The following FAM220A variants were observed in gnomAD, a reference collection of about 807,000 sequenced individuals.
FAM220A encodes the protein family with sequence similarity 220 member A, also known as protein FAM220A.
For synonymous variants in FAM220A, 141 were observed against 130.7 expected (o/e 1.08, Z -0.54); for missense variants, 392 against 321.6 (o/e 1.22, Z -1.68).
At position 6,330,546 on chromosome 7, in the gene FAM220A, G is replaced by A; in HGVS notation, c.609C>T (p.Leu203=). 2 of 1,614,108 alleles carry A rather than the reference G, an allele frequency of 1.2e-6. No homozygotes were observed. Among genetic ancestry groups the A allele is most frequent in the Non-Finnish European group, 1.7e-6 (2 of 1,180,022 alleles). The change falls in exon 2 of 2, where the codon CTC becomes CTT. Residue 203 remains leucine, a synonymous_variant. Transcript: ENST00000313324. ...SATLHVYPEV[L]LSEETKRIFL... The stretch of plus-strand genomic sequence containing the variant: ...AAATGCGTTTTGTCTCCTCACTCAG[G>A]AGCACTTCGGGATACACGTGCAGCG...
intron 1 of FAM220A, among the ~76,000 whole-genome samples, chr7:6,346,839 G>C (rs1372432294): frequency 6.6e-6 from 1 of 152,178 alleles, no homozygotes; most frequent in African/African-American, 2.4e-5. Context: ...CTGCAGTGTG[G>C]TGGTTCTACT....
At position 6,348,554 on chromosome 7, in the gene FAM220A, G is replaced by A; in HGVS notation, c.-82+19C>T. ...GCGCTCGGGGAGGGCCGGGGGCCGG[G>A]CAGGCACGGCTCACCCACCTGCAGG... On this transcript the variant is annotated intron_variant, in intron 1 of 1. Transcript: ENST00000313324. The A allele has an allele frequency of 2.3e-6, 1 of 432,374 alleles. No individual in the cohort carries two copies. Among genetic ancestry groups the A allele is most frequent in the South Asian group, 5.4e-5 (1 of 18,408 alleles). 26.8% of individuals were successfully genotyped at this position (432,374 alleles called of 1,614,324 possible). A position where few individuals can be genotyped will look rare whatever the true frequency, so the allele number is the denominator to read the frequency against.
chr7:6,333,218 T>C (rs1021368993), intron 1 of FAM220A, among the ~76,000 whole-genome samples: 6 of 147,528 alleles, frequency 4.1e-5, no homozygotes, highest in African/African-American at 1.5e-4. Context: ...AAATGAAGGA[T>C]GCAGTTATTA....
Position 6,330,454 on chromosome 7 carries a change from G to A in FAM220A, c.701C>T (p.Thr234Ile). ...TIEFKKMLKS[T>I]SDGLQITLGL... ...CAGTGTTATCTGCAGACCATCTGAG[G>A]TGCTTTTAAGCATTTTCTTGAATTC... The change falls in exon 2 of 2, where the codon ACC becomes ATC. Residue 234 changes from threonine (T) to isoleucine (I), a missense_variant. By Grantham distance (89) the Thr-to-Ile change is moderately conservative. Transcript: ENST00000313324. The A allele has an allele frequency of 6.2e-7, 1 of 1,614,150 alleles. No homozygotes were observed. The highest frequency in any genetic ancestry group is 1.3e-5 in the African/African-American group (1 of 75,034).
chr7:6,346,467 A>G lies in FAM220A; in HGVS notation c.-82+2106T>C, dbSNP rs557986898. Among the ~76,000 whole-genome samples, 26 of 152,266 alleles carry G rather than the reference A, an allele frequency of 1.7e-4. No individual in the cohort carries two copies. The South Asian group carries it at 4.6e-3, about 27-fold the overall frequency. The stretch of plus-strand genomic sequence containing the variant: ...CTGCAACGTCTGCCTCCCAGGCTCA[A>G]GCGATCCTCCCACCTCAGCCCCACA... On this transcript the variant is annotated intron_variant, in intron 1 of 1. Transcript: ENST00000313324.
chr7:6,345,360 C>T (rs1296732018), intron 1 of FAM220A, among the ~76,000 whole-genome samples: 1 of 152,036 alleles, frequency 6.6e-6, no homozygotes, highest in African/African-American at 2.4e-5. Flanking sequence ...AGTGATCCTC[C>T]CACCTCAGTC....
rs116198893 is a variant in FAM220A, at chr7:6,335,687, G to A, written c.-81-4452C>T. Among the ~76,000 whole-genome samples the A allele has an allele frequency of 1.3e-3, 202 of 152,178 alleles. 1 individual carries two copies. Among genetic ancestry groups the A allele is most frequent in the African/African-American group, 4.6e-3 (193 of 41,532 alleles). ...TTATATATATCTTGTGGGACATGCT[G>A]AAAAGTTTTTACTGATAGAATTGTG... is the stretch of plus-strand genomic sequence containing the variant. On this transcript the variant is annotated intron_variant, in intron 1 of 1. Transcript: ENST00000313324.
chr7:6,342,465 G>C (rs966192809), intron 1 of FAM220A, among the ~76,000 whole-genome samples: 1 of 151,298 alleles, frequency 6.6e-6, no homozygotes, highest in African/African-American at 2.4e-5. Context: ...CTTGAACCCA[G>C]AAGTCAGAAG....
rs1442914821 is a variant in FAM220A, at chr7:6,348,700, G to C, written c.-209C>G. ...CAGCCCCTTGCAGAAGACCCCATAG[G>C]AGCGGGCGGCGGCCGAGCGCGAGAG... On this transcript the variant is annotated 5_prime_UTR_variant, in exon 1 of 2. Coordinates refer to ENST00000313324, the MANE Select transcript of FAM220A (RefSeq NM_001037163.2). The C allele has an allele frequency of 2.3e-6, 1 of 442,008 alleles. No individual in the cohort carries two copies. Among genetic ancestry groups the C allele is most frequent in the Non-Finnish European group, 4.0e-6 (1 of 249,488 alleles). 27.4% of individuals were successfully genotyped at this position (442,008 alleles called of 1,614,324 possible).
chr7:6,332,061 G>T (rs185621314), intron 1 of FAM220A, among the ~76,000 whole-genome samples: 1 of 149,712 alleles, frequency 6.7e-6, no homozygotes, highest in Non-Finnish European at 1.5e-5. Context: ...GCTGTGAGCC[G>T]AGATCATGCC....
chr7:6,334,977 G>T (rs560673036), intron 1 of FAM220A, among the ~76,000 whole-genome samples: 1 of 151,736 alleles, frequency 6.6e-6, no homozygotes, highest in Admixed American at 6.6e-5. Context: ...ATGTTGGTCA[G>T]GCTGGTCTCA....
rs1781584333 is a variant in FAM220A at position 6,329,456 on chromosome 7, C to T, written c.*919G>A. Reference sequence around the variant, plus strand: ...AAGCTAAAGAACAAATTTTATTTTTCATTTTCCCCAAACACTAAAATAGCA... The same window carrying T: ...AAGCTAAAGAACAAATTTTATTTTTTATTTTCCCCAAACACTAAAATAGCA... On this transcript the variant is annotated 3_prime_UTR_variant, in exon 2 of 2. Transcript: ENST00000313324. 7 of 152,500 alleles carry T rather than the reference C, an allele frequency of 4.6e-5. No individual in the cohort carries two copies. The South Asian group carries it at 1.4e-3, about 32-fold the overall frequency. The allele number at this position is 152,500 out of a possible 1,614,324, so 9.4% of individuals were successfully genotyped here.
At chr7:6,340,175 G>C (rs1324549569) in intron 1 of FAM220A, among the ~76,000 whole-genome samples, 1 of 152,116 alleles carries the variant, frequency 6.6e-6, no homozygotes, top group Non-Finnish European at 1.5e-5. Context: ...ATGAGCTACC[G>C]CGCCCGGCCC....
At chr7:6,337,000 A>C (rs549734993) in intron 1 of FAM220A, among the ~76,000 whole-genome samples, 1 of 152,210 alleles carries the variant, frequency 6.6e-6, no homozygotes, top group Admixed American at 6.5e-5. Flanking sequence ...AAATGTGCTA[A>C]GTATGAACAT....
rs1260411689 is a variant in FAM220A at position 6,329,531 on chromosome 7, A to T, written c.*844T>A. On this transcript the variant is annotated 3_prime_UTR_variant, in exon 2 of 2. Coordinates refer to ENST00000313324, the MANE Select transcript of FAM220A (RefSeq NM_001037163.2). The stretch of plus-strand genomic sequence containing the variant: ...GCATAAACTGATATATGCAATCGAT[A>T]ATCCCGAAAATGTTTAAGTTTCACT... The T allele has an allele frequency of 6.5e-6, 1 of 153,178 alleles. No homozygotes were observed. Among genetic ancestry groups the T allele is most frequent in the Non-Finnish European group, 1.5e-5 (1 of 68,044 alleles). The allele number at this position is 153,178 out of a possible 1,614,324, so 9.5% of individuals were successfully genotyped here.
At chr7:6,335,079 T>G (rs368739993) in intron 1 of FAM220A, among the ~76,000 whole-genome samples, 1 of 151,114 alleles carries the variant, frequency 6.6e-6, no homozygotes, top group African/African-American at 2.4e-5. Flanking sequence ...TGGTTATTTT[T>G]TGAGACAGAG....
intron 1 of FAM220A, among the ~76,000 whole-genome samples, chr7:6,336,534 A>G (rs566083673): frequency 9.2e-5 from 14 of 151,964 alleles, no homozygotes; most frequent in Non-Finnish European, 1.9e-4. Flanking sequence ...TACAAAAATT[A>G]GCTGGGTATG....
chr7:6,338,905 G>A (rs1583239131), intron 1 of FAM220A, among the ~76,000 whole-genome samples: 1 of 152,290 alleles, frequency 6.6e-6, no homozygotes, highest in South Asian at 2.1e-4. Flanking sequence ...GGCCTTGAGG[G>A]ACTGCCGCAC....
chr7:6,348,954 T>A lies in FAM220A; in HGVS notation c.-463A>T. 2.7e-6 allele frequency: 1 copy of A among 376,424 alleles called. No individual in the cohort carries two copies. Among genetic ancestry groups the A allele is most frequent in the Non-Finnish European group, 4.7e-6 (1 of 212,738 alleles). The allele number at this position is 376,424 out of a possible 1,614,324, so 23.3% of individuals were successfully genotyped here. The stretch of plus-strand genomic sequence containing the variant: ...CCGCGAGCAGCCGCCTGTACCAGCC[T>A]GGCCGCGCAGCCTGACGTCACAAAG... On this transcript the variant is annotated 5_prime_UTR_variant, in exon 1 of 2. Transcript: ENST00000313324.
Sources: gnomAD v4.1 joint callset for allele counts (sites outside exome capture counted in the v4.1 genomes callset) on GRCh38, gnomAD v4.1.1 for gene constraint, MANE v1.5 for transcripts, NCBI Gene and HGNC (gene_info 2026-07-23, HGNC 2026-07-21) for gene names.